ARK2N: variants seen among roughly 807,000 people sequenced by gnomAD.
ARK2N encodes protein ARK2N.
the ARK2N span, among the ~76,000 whole-genome samples, chr18:46,258,845 A>C: frequency 1.3e-5 from 2 of 152,310 alleles, no homozygotes; most frequent in African/African-American, 4.8e-5. Flanking sequence ...AGCCTCTTGC[A>C]TCCATTATAG....
the ARK2N span, among the ~76,000 whole-genome samples, chr18:46,256,221 A>G: frequency 6.6e-6 from 1 of 152,218 alleles, no homozygotes; most frequent in African/African-American, 2.4e-5. Flanking sequence ...GGGAAGGAAT[A>G]GGTAGTAACC....
At chr18:46,215,488 C>T in the ARK2N span, among the ~76,000 whole-genome samples, 4 of 152,130 alleles carry the variant, frequency 2.6e-5, 1 homozygote, top group South Asian at 8.3e-4. Context: ...TCAATGAATG[C>T]ATATTAATTA....
chr18:46,216,829 A>C, the ARK2N span: 1 of 456,238 alleles, frequency 2.2e-6, no homozygotes, highest in Non-Finnish European at 3.9e-6. The surrounding 1 kb of genome is among the most constrained non-coding windows in gnomAD (Gnocchi z 4.3). Context: ...TAGGGACAAG[A>C]TTATTTTTAA....
chr18:46,219,906 A>G, the ARK2N span, among the ~76,000 whole-genome samples: 2 of 152,326 alleles, frequency 1.3e-5, no homozygotes, highest in East Asian at 3.9e-4. Context: ...TAAAATCTGT[A>G]GTTGGAGGGA....
the ARK2N span, among the ~76,000 whole-genome samples, chr18:46,222,822 T>G: frequency 7.9e-5 from 12 of 152,278 alleles, no homozygotes; most frequent in Middle Eastern, 3.4e-3. Context: ...ACTATCAACA[T>G]CCTGCACTAG....
At chr18:46,204,929 C>CT in the ARK2N span, among the ~76,000 whole-genome samples, 33 of 145,698 alleles carry the variant, frequency 2.3e-4, 1 homozygote, top group East Asian at 2.6e-3. Context: ...TTTCTTTTTT[C>CT]TTTTTTTTTT....
At chr18:46,178,843 G>C in the ARK2N span, among the ~76,000 whole-genome samples, 1 of 151,084 alleles carries the variant, frequency 6.6e-6, no homozygotes, top group Non-Finnish European at 1.5e-5. Flanking sequence ...GAGCCCAGGG[G>C]TTTGTGGCTG....
At chr18:46,205,043 G>T in the ARK2N span, among the ~76,000 whole-genome samples, 3 of 151,784 alleles carry the variant, frequency 2.0e-5, no homozygotes, top group African/African-American at 7.3e-5. Context: ...TCCTAGCTGG[G>T]ACTACAGGAA....
At chr18:46,178,979 T>C in the ARK2N span, among the ~76,000 whole-genome samples, 1 of 152,074 alleles carries the variant, frequency 6.6e-6, no homozygotes, top group African/African-American at 2.4e-5. Flanking sequence ...GTTTTGCCCT[T>C]TCACCCAGGC....
chr18:46,210,678 G>T, the ARK2N span, among the ~76,000 whole-genome samples: 3 of 152,156 alleles, frequency 2.0e-5, no homozygotes, highest in Non-Finnish European at 1.5e-5. Flanking sequence ...GGGAGGCCGA[G>T]GTGGGTCGAT....
At chr18:46,186,348 A>G in the ARK2N span, among the ~76,000 whole-genome samples, 2 of 151,688 alleles carry the variant, frequency 1.3e-5, no homozygotes, top group Admixed American at 6.6e-5. Context: ...GGTGCACGCC[A>G]CTATGCCCAC....
chr18:46,264,230 G>A, the ARK2N span: 1 of 152,748 alleles, frequency 6.5e-6, no homozygotes, highest in East Asian at 1.9e-4. Flanking sequence ...AGTCTAAAAG[G>A]ATTAGCAAAG....
the ARK2N span, among the ~76,000 whole-genome samples, chr18:46,186,974 C>T: frequency 1.3e-5 from 2 of 151,574 alleles, no homozygotes; most frequent in Non-Finnish European, 2.9e-5. Context: ...GCTGTCTCAG[C>T]CTCCCGAGTT....
chr18:46,245,881 T>A, the ARK2N span, among the ~76,000 whole-genome samples: 1 of 152,234 alleles, frequency 6.6e-6, no homozygotes, highest in African/African-American at 2.4e-5. Flanking sequence ...CTACCTTTTC[T>A]TGGTAACTTT....
chr18:46,188,308 C>G, the ARK2N span, among the ~76,000 whole-genome samples: 3 of 152,138 alleles, frequency 2.0e-5, no homozygotes, highest in African/African-American at 4.8e-5. Context: ...TCAAGTGATT[C>G]TCCTGTCTCA....
At chr18:46,194,190 A>C in the ARK2N span, among the ~76,000 whole-genome samples, 2 of 151,954 alleles carry the variant, frequency 1.3e-5, no homozygotes, top group Non-Finnish European at 2.9e-5. Context: ...TGACTTAAGC[A>C]GTTCTCCTGC....
the ARK2N span, among the ~76,000 whole-genome samples, chr18:46,249,959 C>T: frequency 6.6e-6 from 1 of 152,174 alleles, no homozygotes; most frequent in East Asian, 1.9e-4. Flanking sequence ...GTTGCTGAGT[C>T]TGTAGTTGCA....
At chr18:46,239,113 G>A in the ARK2N span, among the ~76,000 whole-genome samples, 13 of 152,226 alleles carry the variant, frequency 8.5e-5, no homozygotes, top group African/African-American at 3.1e-4. Flanking sequence ...GGTAGAATTA[G>A]CATTTTAAAG....
the ARK2N span, among the ~76,000 whole-genome samples, chr18:46,175,358 G>A: frequency 6.6e-6 from 1 of 152,070 alleles, no homozygotes; most frequent in Non-Finnish European, 1.5e-5. Flanking sequence ...ATTTTGCTTA[G>A]GCTTTTATTG....
Sources: gnomAD v4.1 joint callset for allele counts (sites outside exome capture counted in the v4.1 genomes callset) on GRCh38, gnomAD v4.1.1 for gene constraint, Gnocchi (gnomAD v3.1) non-coding constraint, MANE v1.5 for transcripts, NCBI Gene and HGNC (gene_info 2026-07-23, HGNC 2026-07-21) for gene names.